Variants in ARNT2 observed in about 807,000 individuals in gnomAD.
ARNT2 encodes the protein ARNT protein 2.
Under a neutral mutation model 91.7 loss-of-function variants are expected in ARNT2, and 36 were observed. The ratio of observed to expected loss-of-function variants is 0.39; its 90% CI spans 0.30 to 0.52. The LOEUF (loss-of-function observed/expected upper bound fraction) is 0.52. Ranked by LOEUF, ARNT2 falls within the 20% of genes least tolerant of loss-of-function variation. ARNT2 has a pLI of 0.72. For missense variants in ARNT2, 775 were observed against 939.3 expected (o/e 0.83, Z 2.29); for synonymous variants, 365 against 347.1 (o/e 1.05, Z -0.57).
At chr15:80,491,748 G>A (rs1008453825) in intron 5 of ARNT2, among the ~76,000 whole-genome samples, 1 of 148,530 alleles carries the variant, frequency 6.7e-6, no homozygotes, top group Non-Finnish European at 1.5e-5. Context: ...TTTACATACT[G>A]TGTAAAGTGA....
At chr15:80,432,418 GA>G (rs999070849) in intron 1 of ARNT2, among the ~76,000 whole-genome samples, 2 of 151,584 alleles carry the variant, frequency 1.3e-5, no homozygotes, top group African/African-American at 4.8e-5. Flanking sequence ...TAAATTGATG[GA>G]AAAAAAACAC....
chr15:80,548,163 C>G (rs74027835), intron 8 of ARNT2, among the ~76,000 whole-genome samples: 1,794 of 152,180 alleles, frequency 0.012, 38 homozygotes, highest in African/African-American at 0.042. Flanking sequence ...TCAACTAAAA[C>G]AACATATTGT....
chr15:80,420,608 A>G (rs1257411587), intron 1 of ARNT2, among the ~76,000 whole-genome samples: 2 of 151,836 alleles, frequency 1.3e-5, no homozygotes, highest in African/African-American at 2.4e-5. Flanking sequence ...GAATATATAT[A>G]TTATGAACAT....
chr15:80,485,380 A>G (rs1361813514), intron 5 of ARNT2, among the ~76,000 whole-genome samples: 1 of 152,162 alleles, frequency 6.6e-6, no homozygotes, highest in Non-Finnish European at 1.5e-5. Flanking sequence ...GTATTTAGTG[A>G]GTACTAACTA....
chr15:80,516,828 A>AATATATATATATAT (rs56146872), intron 8 of ARNT2, among the ~76,000 whole-genome samples: 12,485 of 74,038 alleles, frequency 0.17, 1,946 homozygotes, highest in Non-Finnish European at 0.21. Flanking sequence ...TACAATTACA[A>AATATATATATATAT]ATATATATAT....
In ARNT2 at chr15:80,593,916, G is replaced by A; in HGVS notation, c.*218G>A. On this transcript the variant is annotated 3_prime_UTR_variant, in exon 19 of 19. Transcript: ENST00000303329. ...CCAGGGGCCCTGGCAGACATTAGGG[G>A]ATCAGTTGTATTTATTGTATTTTAT... 1.8e-6 allele frequency: 1 copy of A among 568,304 alleles called. No individual in the cohort carries two copies. The highest frequency in any genetic ancestry group is 3.1e-6 in the Non-Finnish European group (1 of 318,652). The allele number at this position is 568,304 out of a possible 1,614,324, so 35.2% of individuals were successfully genotyped here.
intron 12 of ARNT2, among the ~76,000 whole-genome samples, chr15:80,571,602 C>T (rs1304782681): frequency 1.3e-5 from 2 of 152,134 alleles, no homozygotes; most frequent in Non-Finnish European, 2.9e-5. Context: ...TGGCTGGAAA[C>T]AAAGGAACAA....
At chr15:80,543,234 G>A (rs1470057470) in intron 8 of ARNT2, among the ~76,000 whole-genome samples, 1 of 152,076 alleles carries the variant, frequency 6.6e-6, no homozygotes, top group African/African-American at 2.4e-5. Flanking sequence ...CCTCAGGTGG[G>A]GTGCTCCACA....
At chr15:80,562,935 C>T in intron 11 of ARNT2, 153 bp from the exon 12 acceptor site, 1 of 815,862 alleles carries the variant, frequency 1.2e-6, no homozygotes, top group South Asian at 1.6e-5. Flanking sequence ...CATTGCAAAA[C>T]TGCTCTCCCT....
intron 1 of ARNT2, among the ~76,000 whole-genome samples, chr15:80,431,453 A>G (rs1444034256): frequency 6.6e-6 from 1 of 152,266 alleles, no homozygotes; most frequent in East Asian, 1.9e-4. Context: ...TTTCCCAGTA[A>G]CAATGAGGCT....
intron 15 of ARNT2, among the ~76,000 whole-genome samples, chr15:80,577,975 A>C (rs774063873): frequency 6.6e-6 from 1 of 152,194 alleles, no homozygotes; most frequent in Non-Finnish European, 1.5e-5. Context: ...CCTAACCATC[A>C]TCACCGCAGG....
At chr15:80,528,410 CTATT>C (rs959060397) in intron 8 of ARNT2, among the ~76,000 whole-genome samples, 22 of 148,326 alleles carry the variant, frequency 1.5e-4, no homozygotes, top group South Asian at 1.1e-3. Context: ...ATCTATCTAT[CTATT>C]TATCATCTAT....
rs550282498 is a variant in ARNT2, at chr15:80,451,696, A to G, written c.146+702A>G. ...CACCAACCATCCAACCAACCAACCA[A>G]TCAACCAACTAACCAACCAATCAAC... On this transcript the variant is annotated intron_variant, in intron 2 of 18. Transcript: ENST00000303329. Among the ~76,000 whole-genome samples, 5 of 151,740 alleles carry G rather than the reference A, an allele frequency of 3.3e-5. No homozygotes were observed. In the South Asian group the frequency reaches 8.4e-4, roughly 25 times the overall value.
rs186759450 is a variant in ARNT2, at chr15:80,588,811, G to C, written c.1919-2757G>C. Among the ~76,000 whole-genome samples the C allele has an allele frequency of 2.0e-5, 3 of 152,076 alleles. No homozygotes were observed. The East Asian group carries it at 5.8e-4, about 29-fold the overall frequency. On this transcript the variant is annotated intron_variant, in intron 17 of 18. Transcript: ENST00000303329. ...TGTCATGGCTAGTTAGGTATCCCTCGTAAGCGTTTTTATTCTAGTTCCTCT... is the reference window on the plus strand; with the variant it reads ...TGTCATGGCTAGTTAGGTATCCCTCCTAAGCGTTTTTATTCTAGTTCCTCT...
At chr15:80,458,863 C>T (rs1198714965) in intron 3 of ARNT2, among the ~76,000 whole-genome samples, 1 of 152,146 alleles carries the variant, frequency 6.6e-6, no homozygotes, top group Non-Finnish European at 1.5e-5. Flanking sequence ...GACTTGAAAA[C>T]TTGCCATGGG....
chr15:80,491,081 C>G (rs1465074508), intron 5 of ARNT2, among the ~76,000 whole-genome samples: 1 of 151,962 alleles, frequency 6.6e-6, no homozygotes, highest in East Asian at 1.9e-4. Flanking sequence ...GGAGTGAGGT[C>G]AAGAACTTTC....
At chr15:80,499,421 G>A (rs1897162827) in intron 5 of ARNT2, among the ~76,000 whole-genome samples, 1 of 152,202 alleles carries the variant, frequency 6.6e-6, no homozygotes, top group African/African-American at 2.4e-5. Flanking sequence ...AAAGGCCACA[G>A]AACATTGTAT....
At chr15:80,545,273 C>G (rs1201377134) in intron 8 of ARNT2, among the ~76,000 whole-genome samples, 1 of 152,224 alleles carries the variant, frequency 6.6e-6, no homozygotes, top group Admixed American at 6.5e-5. Context: ...CCCAACTCAT[C>G]ATTCTAGAAT....
intron 8 of ARNT2, among the ~76,000 whole-genome samples, chr15:80,516,511 A>G (rs1283555156): frequency 6.6e-6 from 1 of 152,086 alleles, no homozygotes; most frequent in East Asian, 1.9e-4. Context: ...TACTGTTAGC[A>G]TGGTATATCT....
Sources: gnomAD v4.1 joint callset for allele counts (sites outside exome capture counted in the v4.1 genomes callset) on GRCh38, gnomAD v4.1.1 for gene constraint, MANE v1.5 for transcripts, NCBI Gene and HGNC (gene_info 2026-07-23, HGNC 2026-07-21) for gene names.